Variants in GMPR observed in about 807,000 individuals in gnomAD.
GMPR encodes guanosine monophosphate reductase.
GMPR carries 31 observed loss-of-function variants against 38.4 expected under a neutral mutation model. The observed-to-expected ratio is 0.81, with a 90% CI of 0.61 to 1.09. The LOEUF is 1.09. Among genes scored for constraint, GMPR ranks in the 50% least tolerant of loss-of-function variants. The pLI is 0.00. For synonymous variants in GMPR, 162 were observed against 173.3 expected (o/e 0.93, Z 0.51); for missense variants, 468 against 453.7 (o/e 1.03, Z -0.29).
chr6:16,258,517 A>C (rs1037733951), intron 4 of GMPR, among the ~76,000 whole-genome samples: 2 of 152,238 alleles, frequency 1.3e-5, no homozygotes, highest in African/African-American at 4.8e-5. Flanking sequence ...AGATCGGTTC[A>C]GAGTTCCCAC....
At chr6:16,292,669 G>A (rs1449478579) in intron 8 of GMPR, among the ~76,000 whole-genome samples, 1 of 152,186 alleles carries the variant, frequency 6.6e-6, no homozygotes, top group Middle Eastern at 3.2e-3. Context: ...GTGCCAGAAT[G>A]TAAGTGGAGC....
chr6:16,280,438 G>A (rs141907672), intron 6 of GMPR, among the ~76,000 whole-genome samples: 172 of 152,230 alleles, frequency 1.1e-3, no homozygotes, highest in African/African-American at 4.0e-3. Flanking sequence ...GAAATAAATG[G>A]TCAAAGGTTT....
At chr6:16,285,887 C>T (rs755284175) in intron 7 of GMPR, 52 bp downstream of exon 7, 10 of 1,448,128 alleles carry the variant, frequency 6.9e-6, no homozygotes, top group African/African-American at 1.4e-5. Context: ...GAGGGAGCTC[C>T]CTACACCTCT....
intron 4 of GMPR, among the ~76,000 whole-genome samples, chr6:16,265,556 C>G (rs1489633965): frequency 1.3e-5 from 2 of 152,160 alleles, no homozygotes; most frequent in Non-Finnish European, 1.5e-5. Flanking sequence ...AGTCAGTGCT[C>G]TGTGTCTAGC....
At chr6:16,248,927 G>A (rs1362689599) in intron 2 of GMPR, among the ~76,000 whole-genome samples, 2 of 152,140 alleles carry the variant, frequency 1.3e-5, no homozygotes, top group South Asian at 2.1e-4. Context: ...GCATAGACTG[G>A]TGTAGCTAAC....
chr6:16,285,663 C>T lies in GMPR; in HGVS notation c.655-130C>T, dbSNP rs567572849. ...GACAACAACAGCCGTGGTAGGGGAACTTGGGCCCGTGGGCTTGCTGGGGGC... is the reference window on the plus strand; with the variant it reads ...GACAACAACAGCCGTGGTAGGGGAATTTGGGCCCGTGGGCTTGCTGGGGGC... On this transcript the variant is annotated intron_variant, in intron 6 of 8. Transcript: ENST00000259727. 1.9e-4 allele frequency: 137 copies of T among 726,192 alleles called. No individual in the cohort carries two copies. In the African/African-American group the frequency reaches 2.4e-3, roughly 12 times the overall value. 45.0% of individuals were successfully genotyped at this position (726,192 alleles called of 1,614,324 possible).
intron 7 of GMPR, among the ~76,000 whole-genome samples, chr6:16,289,016 A>C (rs903290536): frequency 1.3e-5 from 2 of 152,200 alleles, no homozygotes; most frequent in East Asian, 3.9e-4. Flanking sequence ...GAATAAAAGC[A>C]GGCTGCCGGA....
At chr6:16,245,159 G>T (rs372304231) in intron 1 of GMPR, among the ~76,000 whole-genome samples, 1 of 152,110 alleles carries the variant, frequency 6.6e-6, no homozygotes, top group Non-Finnish European at 1.5e-5. Flanking sequence ...CACTATAAAC[G>T]TGCTCCACTG....
Position 16,254,743 on chromosome 6 carries a change from C to G in GMPR, c.465+8C>G. The stretch of plus-strand genomic sequence containing the variant: ...CCTGAACACACCATTATGGTAAGTA[C>G]GGTAGAACATTACGGTAGAACATTC... On this transcript the variant is annotated splice_region_variant and intron_variant, in intron 4 of 8. Coordinates refer to ENST00000259727, the MANE Select transcript of GMPR (RefSeq NM_006877.4). 6.3e-7 allele frequency: 1 copy of G among 1,598,936 alleles called. No individual in the cohort carries two copies. Among genetic ancestry groups the G allele is most frequent in the African/African-American group, 1.3e-5 (1 of 74,700 alleles).
intron 4 of GMPR, among the ~76,000 whole-genome samples, chr6:16,271,460 T>C (rs1759384416): frequency 6.6e-6 from 1 of 152,262 alleles, no homozygotes; most frequent in African/African-American, 2.4e-5. Flanking sequence ...CACTCCCGTC[T>C]GGGAGACAAG....
At chr6:16,292,772 A>G (rs923819333) in intron 8 of GMPR, among the ~76,000 whole-genome samples, 3 of 152,208 alleles carry the variant, frequency 2.0e-5, no homozygotes, top group African/African-American at 7.2e-5. Context: ...AAAATTATAG[A>G]ATCAAGAAGA....
intron 4 of GMPR, among the ~76,000 whole-genome samples, chr6:16,260,652 G>T (rs990640337): frequency 6.6e-6 from 1 of 152,020 alleles, no homozygotes; most frequent in South Asian, 2.1e-4. Flanking sequence ...GAAAGAAAAT[G>T]AGAGGTTCTA....
rs748449252 is a variant in GMPR at position 16,250,293 on chromosome 6, T to C, written c.217T>C (p.Phe73Leu). ...MAAVMSQHSM[F>L]TAIHKHYSLD... ...CTGTTTTGTTTTCTAGCACTCCATG[T>C]TTACAGCAATTCATAAGCATTACTC... is the stretch of plus-strand genomic sequence containing the variant. The change falls in exon 3 of 9, where the codon TTT (phenylalanine) becomes CTT (leucine). Residue 73 changes from phenylalanine to leucine, a missense_variant. By Grantham distance (22) the Phe-to-Leu change is conservative. Transcript: ENST00000259727. The C allele has an allele frequency of 3.2e-5, 52 of 1,600,222 alleles. No homozygotes were observed. In the Admixed American group the frequency reaches 8.7e-4, roughly 27 times the overall value.
intron 6 of GMPR, among the ~76,000 whole-genome samples, chr6:16,279,379 C>T (rs1759536739): frequency 3.9e-5 from 6 of 152,196 alleles, no homozygotes; most frequent in Admixed American, 3.9e-4. Context: ...TGTGTGCAAA[C>T]ATCCCCTTTT....
chr6:16,278,718 G>T (rs536543840), intron 5 of GMPR, 66 bp from the exon 6 acceptor site: 3 of 1,081,984 alleles, frequency 2.8e-6, no homozygotes, highest in African/African-American at 1.5e-5. Context: ...TAAGGGGGAC[G>T]CATTTCATGT....
intron 1 of GMPR, among the ~76,000 whole-genome samples, chr6:16,242,440 G>T (rs1758668987): frequency 6.6e-6 from 1 of 151,146 alleles, no homozygotes; most frequent in Admixed American, 6.6e-5. Flanking sequence ...TTATCTTACA[G>T]TTCTGGAAGG....
chr6:16,256,596 T>G (rs1253938550), intron 4 of GMPR, among the ~76,000 whole-genome samples: 1 of 149,556 alleles, frequency 6.7e-6, no homozygotes, highest in African/African-American at 2.5e-5. Context: ...TAGAAGTGGG[T>G]TGGGAAATAG....
intron 4 of GMPR, among the ~76,000 whole-genome samples, chr6:16,255,238 C>G (rs1413101717): frequency 6.6e-6 from 1 of 152,122 alleles, no homozygotes; most frequent in East Asian, 1.9e-4. Context: ...GTCTCGAACT[C>G]CTGACCTCAG....
chr6:16,267,356 G>A (rs991288958), intron 4 of GMPR, among the ~76,000 whole-genome samples: 8 of 151,088 alleles, frequency 5.3e-5, no homozygotes, highest in African/African-American at 1.9e-4. Flanking sequence ...TGGGTGAGAG[G>A]GAGACTCCGT....
Sources: allele counts gnomAD v4.1 joint callset (sites outside exome capture counted in the v4.1 genomes callset), GRCh38; gene constraint gnomAD v4.1.1; transcripts MANE v1.5; gene names NCBI Gene and HGNC (gene_info 2026-07-23, HGNC 2026-07-21).